SLC4A9: variants seen among roughly 807,000 people sequenced by gnomAD.
SLC4A9 encodes the protein solute carrier family 4 member 9.
SLC4A9 carries 102 observed loss-of-function variants against 103.2 expected under a neutral mutation model. That is an observed-to-expected ratio of 0.99 (90% CI 0.84 to 1.17). The LOEUF is 1.17. SLC4A9 is among the 50% of genes most tolerant of loss of function. The probability of loss-of-function intolerance (pLI) is 0.00; values close to 1 mark genes in which losing one functional copy is unlikely to be tolerated. For missense variants in SLC4A9, 1,091 were observed against 1,193.7 expected (o/e 0.91, Z 1.27); for synonymous variants, 453 against 483.6 (o/e 0.94, Z 0.83).
In SLC4A9 at chr5:140,363,932, C is replaced by T. The variant is rs1269473018; in HGVS notation, c.1254+30C>T. On this transcript the variant is annotated intron_variant, in intron 9 of 21. Transcript: ENST00000506757. The surrounding 1 kb of genome is among the most constrained non-coding windows in gnomAD (Gnocchi z 4.5). ...GTAGGGCCCAGGGGGCAGGCACAAG[C>T]GTTGGTGTCCCCTAGTCCATCCCTT... The T allele has an allele frequency of 6.2e-7, 1 of 1,608,686 alleles. No individual in the cohort carries two copies. The highest frequency in any genetic ancestry group is 8.5e-7 in the Non-Finnish European group (1 of 1,177,378).
chr5:140,370,261 C>T (rs1002778631), intron 17 of SLC4A9, among the ~76,000 whole-genome samples: 1 of 151,242 alleles, frequency 6.6e-6, no homozygotes, highest in African/African-American at 2.4e-5. Context: ...GTCAGGAGTT[C>T]GAGTCTAGCC....
At chr5:140,373,163 G>A (rs1336805425) in intron 21 of SLC4A9, among the ~76,000 whole-genome samples, 1 of 152,136 alleles carries the variant, frequency 6.6e-6, no homozygotes, top group Non-Finnish European at 1.5e-5. Context: ...GGAAGAGGAA[G>A]GGAGGAGAAA....
Position 140,363,856 on chromosome 5 carries a change from C to T in SLC4A9, c.1208C>T (p.Ala403Val), listed in dbSNP as rs762212213. 6.2e-7 allele frequency: 1 copy of T among 1,614,028 alleles called. No individual in the cohort carries two copies. ...ATTTACCTGGCCACTGTCACTAATG[C>T]CATCACTTTTGGGGGTCTGCTGGGA... ...LYIYLATVTN[A>V]ITFGGLLGDA... Residue 403 changes from alanine to valine, a missense_variant, in exon 9 of 22, where the codon GCC (alanine) becomes GTC (valine). Physicochemically the swap from Ala to Val is moderately conservative, Grantham distance 64 (BLOSUM62 0). Coordinates refer to ENST00000506757, the MANE Select transcript of SLC4A9 (RefSeq NM_031467.3). This position sits in a 1 kb window ranked among gnomAD's most constrained non-coding sequence, Gnocchi z 4.5.
At position 140,366,324 on chromosome 5, in the gene SLC4A9, G is replaced by C. The variant is rs541658928; in HGVS notation, c.2013+60G>C. The C allele has an allele frequency of 1.3e-4, 160 of 1,213,118 alleles. No individual in the cohort carries two copies. In the South Asian group the frequency reaches 2.0e-3, roughly 15 times the overall value. The allele number at this position is 1,213,118 out of a possible 1,614,324, so 75.1% of individuals were successfully genotyped here. A position where few individuals can be genotyped will look rare whatever the true frequency, so the allele number is the denominator to read the frequency against. ...GGGAAAGCAGGGCCAGCAGACCATG[G>C]GGAAGGAAAATGAATAAATCCCACA... On this transcript the variant is annotated intron_variant, in intron 14 of 21. Transcript: ENST00000506757.
Position 140,362,222 on chromosome 5 carries a change from G to T in SLC4A9, c.719+48G>T, listed in dbSNP as rs551207101. The T allele has an allele frequency of 2.7e-6, 4 of 1,471,954 alleles. No individual in the cohort carries two copies. The African/African-American group carries it at 4.3e-5, about 16-fold the overall frequency. The allele number at this position is 1,471,954 out of a possible 1,614,324, so 91.2% of individuals were successfully genotyped here. ...AGTCAGGGATCCCAGAACCTAGAAG[G>T]GTCTTTACTGAGGAGGGGAAGGAGG... On this transcript the variant is annotated intron_variant, in intron 5 of 21. Transcript: ENST00000506757.
At chr5:140,370,378 C>T (rs974564214) in intron 17 of SLC4A9, among the ~76,000 whole-genome samples, 2 of 150,720 alleles carry the variant, frequency 1.3e-5, no homozygotes, top group African/African-American at 4.9e-5. Context: ...GTATGAGAAT[C>T]GCTTGAGCCT....
At chr5:140,360,538 G>C (rs1766912850) in intron 1 of SLC4A9, 72 bp downstream of exon 1, 2 of 1,394,450 alleles carry the variant, frequency 1.4e-6, no homozygotes, top group Non-Finnish European at 2.0e-6. Context: ...ATGTCCCCCA[G>C]CGCTTCTTAT....
At chr5:140,366,644 C>G (rs181563409) in intron 14 of SLC4A9, among the ~76,000 whole-genome samples, 6 of 152,162 alleles carry the variant, frequency 3.9e-5, no homozygotes, top group Non-Finnish European at 7.3e-5. Context: ...GTTCCTACCC[C>G]GTAGATTGTT....
rs1288539612 is a variant in SLC4A9 at position 140,361,850 on chromosome 5, C to T, written c.548C>T (p.Pro183Leu). Residue 183 changes from proline (P) to leucine (L), a missense_variant, in exon 4 of 22, where the codon CCC (proline) becomes CTC (leucine). Physicochemically the swap from Pro to Leu is moderately conservative, Grantham distance 98 (BLOSUM62 -3). Coordinates refer to ENST00000506757, the MANE Select transcript of SLC4A9 (RefSeq NM_031467.3). Reference sequence around the variant, plus strand: ...AAGGCTTCTGACAATGAGGAAGCCCCCCTGAGGGAACAGGTTTGTGGCCCT... The same window carrying T: ...AAGGCTTCTGACAATGAGGAAGCCCTCCTGAGGGAACAGGTTTGTGGCCCT... ...PRKASDNEEA[P>L]LREQCQNPLR... 27 of 1,613,894 alleles carry T rather than the reference C, an allele frequency of 1.7e-5. No homozygotes were observed. The Admixed American group carries it at 4.5e-4, about 27-fold the overall frequency.
In SLC4A9 at chr5:140,362,966, C is replaced by G; in HGVS notation, c.862C>G (p.Leu288Val). 1.2e-6 allele frequency: 2 copies of G among 1,613,644 alleles called. No individual in the cohort carries two copies. The highest frequency in any genetic ancestry group is 1.7e-6 in the Non-Finnish European group (2 of 1,179,772). ...ASNLHDLLAA[L>V]DAFLEEVTVL... ...CAACCTTCATGACCTTCTGGCAGCC[C>G]TGGATGCATTCCTAGAGGAGGTGAC... The change falls in exon 7 of 22, where the codon CTG becomes GTG. Residue 288 changes from leucine (L) to valine (V), a missense_variant. Physicochemically the swap from Leu to Val is conservative, Grantham distance 32. Coordinates refer to ENST00000506757, the MANE Select transcript of SLC4A9 (RefSeq NM_031467.3).
intron 2 of SLC4A9, 84 bp downstream of exon 2, chr5:140,361,056 A>G: frequency 7.3e-7 from 1 of 1,367,028 alleles, no homozygotes; most frequent in Non-Finnish European, 9.9e-7. Flanking sequence ...GAAATCTTCC[A>G]GAGCCCATCC....
At chr5:140,369,789 CT>C (rs1768429438) in intron 17 of SLC4A9, among the ~76,000 whole-genome samples, 4 of 151,708 alleles carry the variant, frequency 2.6e-5, no homozygotes, top group Admixed American at 2.6e-4. Context: ...ATTGCTTGAG[CT>C]CAGGAGTTTG....
In SLC4A9 at chr5:140,361,368, G is replaced by A. The variant is rs1304379449; in HGVS notation, c.505+1G>A. 13 of 1,552,552 alleles carry A rather than the reference G, an allele frequency of 8.4e-6. No individual in the cohort carries two copies. The Admixed American group carries it at 1.6e-4, about 19-fold the overall frequency. ...ACCACAGGCACCAGGCCCTGCTGGG[G>A]TGAGAGCCCCTCCCTGGGCCCAGGA... On this transcript the variant is annotated splice_donor_variant, in intron 3 of 21. Coordinates refer to ENST00000506757, the MANE Select transcript of SLC4A9 (RefSeq NM_031467.3). LOFTEE classifies it high-confidence loss of function.
intron 5 of SLC4A9, 85 bp downstream of exon 5, chr5:140,362,259 A>AG: frequency 7.2e-7 from 1 of 1,388,552 alleles, no homozygotes; most frequent in Non-Finnish European, 9.7e-7. Flanking sequence ...TCTCAGTCTG[A>AG]TTCTCTGAGG....
rs370144490 is a variant in SLC4A9 at position 140,367,568 on chromosome 5, A to G, written c.2162A>G (p.Glu721Gly). 11 of 1,603,744 alleles carry G rather than the reference A, an allele frequency of 6.9e-6. No homozygotes were observed. Among genetic ancestry groups the G allele is most frequent in the Non-Finnish European group, 9.4e-6 (11 of 1,175,318 alleles). The change falls in exon 15 of 22, where the codon GAA (glutamate) becomes GGA (glycine). Residue 721 changes from glutamate (E) to glycine (G), a missense_variant. Coordinates refer to ENST00000506757, the MANE Select transcript of SLC4A9 (RefSeq NM_031467.3). ...ACAGCAGTCATCCTCAACCGCATGGAATACAGACTGCAGGTAAGGCCTGCT... is the reference window on the plus strand; with the variant it reads ...ACAGCAGTCATCCTCAACCGCATGGGATACAGACTGCAGGTAAGGCCTGCT... The part of the protein sequence containing the change: ...QITAVILNRM[E>G]YRLQKGAGFH...
intron 21 of SLC4A9, among the ~76,000 whole-genome samples, chr5:140,373,516 G>A (rs1215518195): frequency 6.6e-6 from 1 of 152,130 alleles, no homozygotes; most frequent in African/African-American, 2.4e-5. Flanking sequence ...ATAGTAAGGT[G>A]GAGTGGTGAG....
In SLC4A9 at chr5:140,371,606, C is replaced by T; in HGVS notation, c.2652C>T (p.Ala884=). ...LLWIIKSTPA[A]IIFPLMLLGL... is the part of the protein sequence containing the mutation. The stretch of plus-strand genomic sequence containing the variant: ...GGATAATCAAGTCTACCCCTGCAGC[C>T]ATCATCTTCCCCCTCATGGTAAGCT... The change falls in exon 19 of 22, where the codon GCC becomes GCT. Residue 884 remains alanine (A), a synonymous_variant. Transcript: ENST00000506757. 3.1e-6 allele frequency: 5 copies of T among 1,614,052 alleles called. No homozygotes were observed. The highest frequency in any genetic ancestry group is 4.2e-6 in the Non-Finnish European group (5 of 1,179,898).
intron 14 of SLC4A9, among the ~76,000 whole-genome samples, chr5:140,366,491 G>T (rs910846152): frequency 6.6e-6 from 1 of 152,164 alleles, no homozygotes; most frequent in Non-Finnish European, 1.5e-5. Flanking sequence ...ACAGGGTATG[G>T]GTTAAGAGAA....
intron 11 of SLC4A9, 78 bp downstream of exon 11, chr5:140,364,703 C>T: frequency 1.3e-6 from 2 of 1,517,392 alleles, no homozygotes; most frequent in African/African-American, 1.4e-5. Context: ...TTACTATCCC[C>T]CCTGGTTAAG....
Sources: allele counts gnomAD v4.1 joint callset (sites outside exome capture counted in the v4.1 genomes callset), GRCh38; gene constraint gnomAD v4.1.1; non-coding constraint Gnocchi (gnomAD v3.1); transcripts MANE v1.5; gene names NCBI Gene and HGNC (gene_info 2026-07-23, HGNC 2026-07-21).